Variants in CRADD observed in about 807,000 individuals in gnomAD.
The protein encoded by CRADD is death domain-containing protein CRADD.
CRADD carries 9 observed loss-of-function variants against 15.5 expected under a neutral mutation model. The ratio of observed to expected loss-of-function variants is 0.58; its 90% CI spans 0.35 to 1.01. CRADD has a LOEUF of 1.01. Ranked by LOEUF, CRADD falls within the 50% of genes least tolerant of loss-of-function variation. CRADD has a pLI of 0.02. For missense variants in CRADD, 227 were observed against 250.3 expected, an observed-to-expected ratio of 0.91 and a Z score of 0.63; for synonymous variants, 118 against 107.6, an observed-to-expected ratio of 1.10 and a Z score of -0.60.
Position 93,735,194 on chromosome 12 carries a change from C to T in CRADD, c.298+56122C>T, listed in dbSNP as rs374304533. On this transcript the variant is annotated intron_variant, in intron 2 of 2. Coordinates refer to ENST00000332896, the MANE Select transcript of CRADD (RefSeq NM_003805.5). ...GCATGGAAACCCAGAGCGGCACAAG[C>T]GAGTTCAAATGCTTATGGTTTGTTC... Among the ~76,000 whole-genome samples the T allele has an allele frequency of 4.1e-4, 63 of 152,262 alleles. 1 individual carries two copies. In the East Asian group the frequency reaches 9.5e-3, roughly 23 times the overall value.
At chr12:93,690,439 G>C (rs1387625752) in intron 2 of CRADD, among the ~76,000 whole-genome samples, 1 of 152,182 alleles carries the variant, frequency 6.6e-6, no homozygotes, top group Non-Finnish European at 1.5e-5. Context: ...TAGATAAAAC[G>C]CTGGAGAGCA....
chr12:93,813,087 T>C (rs1418680753), intron 2 of CRADD, among the ~76,000 whole-genome samples: 2 of 152,200 alleles, frequency 1.3e-5, no homozygotes, highest in African/African-American at 2.4e-5. Flanking sequence ...CACAAAGCAT[T>C]AAGACAATGC....
At chr12:93,726,094 G>GTTTTTTTT (rs1165429350) in intron 2 of CRADD, among the ~76,000 whole-genome samples, 7 of 96,042 alleles carry the variant, frequency 7.3e-5, no homozygotes, top group South Asian at 4.0e-4. Flanking sequence ...AAATAGTTTA[G>GTTTTTTTT]TTTTTTTTTT....
chr12:93,885,344 C>T (rs1373377498), intron 2 of CRADD, among the ~76,000 whole-genome samples: 1 of 152,160 alleles, frequency 6.6e-6, no homozygotes, highest in Non-Finnish European at 1.5e-5. Flanking sequence ...GAAATACAAA[C>T]ACAGGAGGGA....
At chr12:93,835,055 T>G (rs1957958722) in intron 2 of CRADD, among the ~76,000 whole-genome samples, 2 of 152,252 alleles carry the variant, frequency 1.3e-5, no homozygotes, top group Non-Finnish European at 2.9e-5. Context: ...CAAACCATTT[T>G]CACTGGCCCC....
intron 2 of CRADD, among the ~76,000 whole-genome samples, chr12:93,863,536 A>G (rs146050126): frequency 3.4e-4 from 51 of 151,606 alleles, no homozygotes; most frequent in Non-Finnish European, 6.9e-4. Context: ...TCCCAGTCAG[A>G]GGTGATACTA....
chr12:93,851,733 G>A (rs1958224044), downstream of CRADD, among the ~76,000 whole-genome samples: 1 of 152,182 alleles, frequency 6.6e-6, no homozygotes, highest in Non-Finnish European at 1.5e-5. Context: ...GGGCCAGTCT[G>A]TGATCTATCC....
In CRADD at chr12:93,850,056, C is replaced by G; in HGVS notation, c.385C>G (p.Pro129Ala). The change falls in exon 3 of 3, where the codon CCT (proline) becomes GCT (alanine). Residue 129 changes from proline to alanine, a missense_variant. Physicochemically the swap from Pro to Ala is conservative, Grantham distance 27. Coordinates refer to ENST00000332896, the MANE Select transcript of CRADD (RefSeq NM_003805.5). The surrounding 1 kb of genome is among the most constrained non-coding windows in gnomAD (Gnocchi z 4.0). ...QINQLAQRLG[P>A]EWEPMVLSLG... ...TAACCAGCTGGCCCAGAGGCTGGGC[C>G]CTGAGTGGGAGCCCATGGTGCTGTC... The G allele has an allele frequency of 6.2e-7, 1 of 1,611,716 alleles. No homozygotes were observed. The highest frequency in any genetic ancestry group is 8.5e-7 in the Non-Finnish European group (1 of 1,177,788).
intron 2 of CRADD, among the ~76,000 whole-genome samples, chr12:93,859,040 A>G (rs1336101131): frequency 1.3e-5 from 2 of 152,222 alleles, no homozygotes; most frequent in African/African-American, 2.4e-5. Flanking sequence ...CCTGTCATGT[A>G]AAACTATGAT....
chr12:93,751,241 A>G (rs907457534), intron 2 of CRADD, among the ~76,000 whole-genome samples: 7 of 152,322 alleles, frequency 4.6e-5, no homozygotes, highest in Non-Finnish European at 7.4e-5. Flanking sequence ...AATCTCTCCA[A>G]TCACGTCAGG....
At chr12:93,867,521 G>T (rs993008932) in intron 2 of CRADD, among the ~76,000 whole-genome samples, 21 of 151,574 alleles carry the variant, frequency 1.4e-4, no homozygotes, top group Non-Finnish European at 4.4e-5. Flanking sequence ...GGAAGCTACA[G>T]CAGTAATTCT....
At chr12:93,874,085 T>A (rs1483885499) in intron 2 of CRADD, among the ~76,000 whole-genome samples, 2 of 152,118 alleles carry the variant, frequency 1.3e-5, no homozygotes, top group African/African-American at 2.4e-5. Flanking sequence ...GGGCTTTTCT[T>A]TACTGGGAGA....
At chr12:93,744,644 G>T (rs1956726386) in intron 2 of CRADD, among the ~76,000 whole-genome samples, 1 of 152,152 alleles carries the variant, frequency 6.6e-6, no homozygotes, top group Non-Finnish European at 1.5e-5. Flanking sequence ...CCACTTTGTT[G>T]TGATGGTAAC....
At chr12:93,777,796 C>G (rs1331944217) in intron 2 of CRADD, among the ~76,000 whole-genome samples, 1 of 152,158 alleles carries the variant, frequency 6.6e-6, no homozygotes, top group Non-Finnish European at 1.5e-5. Flanking sequence ...CACCAAAGCC[C>G]GTTTTTCCTG....
chr12:93,822,211 G>C (rs1245175275), intron 2 of CRADD, among the ~76,000 whole-genome samples: 1 of 151,990 alleles, frequency 6.6e-6, no homozygotes, highest in Non-Finnish European at 1.5e-5. Context: ...ATCCTACCCT[G>C]CCACTCCCTT....
downstream of CRADD, among the ~76,000 whole-genome samples, chr12:93,852,382 G>A (rs1384851283): frequency 2.0e-5 from 3 of 152,246 alleles, no homozygotes; most frequent in Non-Finnish European, 4.4e-5. Context: ...AAAGACACTC[G>A]TGGGCTCTGT....
chr12:93,888,222 G>A (rs911258988), intron 2 of CRADD, among the ~76,000 whole-genome samples: 2 of 152,082 alleles, frequency 1.3e-5, no homozygotes, highest in African/African-American at 4.8e-5. Flanking sequence ...TCAGGAGATC[G>A]AGACCATCAT....
At chr12:93,857,426 C>G (rs1958284431) in intron 2 of CRADD, among the ~76,000 whole-genome samples, 2 of 152,208 alleles carry the variant, frequency 1.3e-5, no homozygotes, top group Non-Finnish European at 2.9e-5. Context: ...TCAAGGACAA[C>G]AAATGCCTAC....
intron 2 of CRADD, among the ~76,000 whole-genome samples, chr12:93,874,882 A>C (rs920519411): frequency 2.6e-5 from 4 of 152,032 alleles, no homozygotes; most frequent in Non-Finnish European, 2.9e-5. Flanking sequence ...AGGAAAAAAA[A>C]CGTGTATTCT....
Sources: gnomAD v4.1 joint callset for allele counts (sites outside exome capture counted in the v4.1 genomes callset) on GRCh38, gnomAD v4.1.1 for gene constraint, Gnocchi (gnomAD v3.1) non-coding constraint, MANE v1.5 for transcripts, NCBI Gene and HGNC (gene_info 2026-07-23, HGNC 2026-07-21) for gene names.